FSTL4: variants seen among roughly 807,000 people sequenced by gnomAD.
FSTL4 encodes the protein follistatin-related protein 4.
FSTL4 carries 28 observed loss-of-function variants against 78.2 expected under a neutral mutation model. The ratio of observed to expected loss-of-function variants is 0.36; its 90% CI spans 0.27 to 0.49. The LOEUF (loss-of-function observed/expected upper bound fraction) is 0.49, where lower values mean the gene tolerates loss of function less well. FSTL4 is among the 20% of genes least tolerant of loss of function. The probability of loss-of-function intolerance (pLI) is 0.98; values close to 1 mark genes in which losing one functional copy is unlikely to be tolerated. For synonymous variants in FSTL4, 422 were observed against 440.5 expected (o/e 0.96, Z 0.53); for missense variants, 922 against 1,084.9 (o/e 0.85, Z 2.11).
At chr5:133,590,845 T>C (rs1473901049) in intron 2 of FSTL4, among the ~76,000 whole-genome samples, 10 of 152,034 alleles carry the variant, frequency 6.6e-5, no homozygotes, top group Admixed American at 6.6e-4. Context: ...GGGCTGGCAT[T>C]TTGCAAAGGC....
In FSTL4 at chr5:133,489,561, G is replaced by T. The variant is rs145352709; in HGVS notation, c.160+77625C>A. 3.0e-4 allele frequency among the ~76,000 whole-genome samples: 45 copies of T among 152,290 alleles called. 1 individual carries two copies. The East Asian group carries it at 8.7e-3, about 29-fold the overall frequency. On this transcript the variant is annotated intron_variant, in intron 3 of 15. Transcript: ENST00000265342. The stretch of plus-strand genomic sequence containing the variant: ...AACATTCAGGAGAACTTGGGGCTAA[G>T]ACTCTCAAAATATTCTTAAGAAGAC...
intron 7 of FSTL4, among the ~76,000 whole-genome samples, chr5:133,233,918 G>C (rs73275909): frequency 6.6e-6 from 1 of 152,130 alleles, no homozygotes; most frequent in African/African-American, 2.4e-5. Flanking sequence ...CTCTGTTTCC[G>C]GAGGCCAGGC....
At chr5:133,522,045 G>C (rs1290190448) in intron 3 of FSTL4, among the ~76,000 whole-genome samples, 1 of 152,170 alleles carries the variant, frequency 6.6e-6, no homozygotes, top group Non-Finnish European at 1.5e-5. Context: ...AGCAGAATAA[G>C]GGTATAGATC....
the FSTL4 span, among the ~76,000 whole-genome samples, chr5:133,744,806 T>C: frequency 6.6e-6 from 1 of 152,226 alleles, no homozygotes; most frequent in Non-Finnish European, 1.5e-5. Flanking sequence ...CCTTAGAGTA[T>C]TTTAAAGATT....
At chr5:133,411,786 A>G (rs1413123415) in intron 3 of FSTL4, among the ~76,000 whole-genome samples, 1 of 152,168 alleles carries the variant, frequency 6.6e-6, no homozygotes, top group Non-Finnish European at 1.5e-5. Context: ...CTTTTTGATG[A>G]TTATGTATCT....
intron 3 of FSTL4, among the ~76,000 whole-genome samples, chr5:133,541,677 C>T (rs1361645799): frequency 6.6e-6 from 1 of 152,082 alleles, no homozygotes; most frequent in Non-Finnish European, 1.5e-5. Flanking sequence ...CCAGATGTGG[C>T]CAGCATGAGT....
chr5:133,372,416 C>A (rs1755332261), intron 4 of FSTL4, among the ~76,000 whole-genome samples: 2 of 152,156 alleles, frequency 1.3e-5, no homozygotes, highest in Admixed American at 1.3e-4. Context: ...GAACACATAA[C>A]TGAGCTCAGT....
intron 4 of FSTL4, 80 bp downstream of exon 4, chr5:133,400,658 G>T: frequency 7.9e-7 from 1 of 1,273,732 alleles, no homozygotes; most frequent in Non-Finnish European, 1.1e-6. Context: ...TGTAGACTCA[G>T]CACCCAGGTC....
chr5:133,798,752 G>A, the FSTL4 span, among the ~76,000 whole-genome samples: 1 of 152,022 alleles, frequency 6.6e-6, no homozygotes. Flanking sequence ...AGTTCTGTGG[G>A]CTCCTACAGC....
chr5:133,299,858 T>C (rs1418880235), intron 6 of FSTL4, among the ~76,000 whole-genome samples: 1 of 152,178 alleles, frequency 6.6e-6, no homozygotes, highest in East Asian at 1.9e-4. Flanking sequence ...CTGCATGGAA[T>C]ACAATTAGTC....
intron 4 of FSTL4, among the ~76,000 whole-genome samples, chr5:133,323,860 T>G (rs1404474251): frequency 6.6e-6 from 1 of 152,240 alleles, no homozygotes; most frequent in African/African-American, 2.4e-5. Context: ...CCGTTCTCCA[T>G]GAGAAAGGTC....
rs371440680 is a variant in FSTL4 at position 133,274,863 on chromosome 5, T to C, written c.728-25287A>G. 3.9e-5 allele frequency among the ~76,000 whole-genome samples: 6 copies of C among 152,342 alleles called. No individual in the cohort carries two copies. The South Asian group carries it at 1.2e-3, about 32-fold the overall frequency. On this transcript the variant is annotated intron_variant, in intron 6 of 15. Transcript: ENST00000265342. ...TACCAGTAATAGCTGCTAACAGTTA[T>C]TGGGTGCCAACTGTATACCTGACTT... is the stretch of plus-strand genomic sequence containing the variant.
intron 4 of FSTL4, among the ~76,000 whole-genome samples, chr5:133,393,307 A>G (rs543592944): frequency 1.3e-5 from 2 of 152,228 alleles, no homozygotes; most frequent in South Asian, 2.1e-4. Context: ...AGGATAACCC[A>G]GAGGGTGGAG....
chr5:133,449,725 C>T (rs781131962), intron 3 of FSTL4, among the ~76,000 whole-genome samples: 1 of 152,168 alleles, frequency 6.6e-6, no homozygotes, highest in Admixed American at 6.5e-5. Context: ...TCTGAGATGG[C>T]GGGTGTTCCC....
chr5:133,836,238 T>C, the FSTL4 span, among the ~76,000 whole-genome samples: 1 of 152,216 alleles, frequency 6.6e-6, no homozygotes, highest in African/African-American at 2.4e-5. Flanking sequence ...GTCTGTTTTA[T>C]GTTTCTTTTT....
intron 3 of FSTL4, among the ~76,000 whole-genome samples, chr5:133,540,990 A>G (rs906625734): frequency 2.6e-5 from 4 of 152,014 alleles, no homozygotes; most frequent in Non-Finnish European, 4.4e-5. Flanking sequence ...GCCCGCTCTC[A>G]CAGCCCCTGC....
At chr5:133,296,204 A>G (rs1753392010) in intron 6 of FSTL4, among the ~76,000 whole-genome samples, 2 of 152,096 alleles carry the variant, frequency 1.3e-5, no homozygotes, top group South Asian at 4.1e-4. Context: ...TAATAACCAC[A>G]TGCAACTCAT....
chr5:133,348,020 A>G (rs1754733599), intron 4 of FSTL4, among the ~76,000 whole-genome samples: 1 of 152,210 alleles, frequency 6.6e-6, no homozygotes, highest in African/African-American at 2.4e-5. Flanking sequence ...ATAGTATTTC[A>G]GAATGATGGC....
At chr5:133,273,562 C>T (rs1752815220) in intron 6 of FSTL4, among the ~76,000 whole-genome samples, 1 of 152,152 alleles carries the variant, frequency 6.6e-6, no homozygotes, top group Admixed American at 6.5e-5. Context: ...AAGTTGGCAG[C>T]CCTGTTCTTC....
Sources: gnomAD v4.1 joint callset for allele counts (sites outside exome capture counted in the v4.1 genomes callset) on GRCh38, gnomAD v4.1.1 for gene constraint, MANE v1.5 for transcripts, NCBI Gene and HGNC (gene_info 2026-07-23, HGNC 2026-07-21) for gene names.